Variants in FGF13 observed in about 807,000 individuals in gnomAD.
FGF13 encodes fibroblast growth factor homologous factor 2.
In FGF13, 2 loss-of-function variants were observed where a neutral mutation model predicts 19.5. The observed-to-expected ratio is 0.10, with a 90% CI of 0.04 to 0.32. The LOEUF is 0.32. Among genes scored for constraint, FGF13 ranks in the 10% least tolerant of loss-of-function variants. The probability of loss-of-function intolerance (pLI) is 1.00; values close to 1 mark genes in which losing one functional copy is unlikely to be tolerated. For synonymous variants in FGF13, 72 were observed against 76.9 expected, an observed-to-expected ratio of 0.94 and a Z score of 0.33; for missense variants, 113 against 192.7, an observed-to-expected ratio of 0.59 and a Z score of 2.45.
chrX:138,719,921 C>T (rs1013295641), intron 1 of FGF13, among the ~76,000 whole-genome samples: 1 of 112,985 alleles, frequency 8.9e-6, no homozygotes, highest in Non-Finnish European at 1.9e-5. Flanking sequence ...CTAATGATTT[C>T]ATTTTAGAGA....
chrX:138,869,026 G>A (rs2091344204), intron 1 of FGF13, among the ~76,000 whole-genome samples: 1 of 111,504 alleles, frequency 9.0e-6, no homozygotes, highest in Admixed American at 9.6e-5. Flanking sequence ...ATGCCATCAT[G>A]TGCACCTCCA....
rs768534924 is a variant in FGF13 at position 139,001,511 on chromosome X, G to GA, written c.-112-136862dup. ...ACAAGAAAAAAACAAACAACCCCTT[G>GA]AAAAAAAAATGAGTGAAGGATATGA... On this transcript the variant is annotated intron_variant, in intron 1 of 2. Transcript: ENST00000421460. Among the ~76,000 whole-genome samples the GA allele has an allele frequency of 9.5e-3, 1,018 of 107,155 alleles. 11 individuals are homozygous for GA. Among genetic ancestry groups the GA allele is most frequent in the African/African-American group, 0.032 (933 of 29,531 alleles). The allele number at this position is 107,155 out of a possible 115,157, so 93.1% of individuals were successfully genotyped here. A position where few individuals can be genotyped will look rare whatever the true frequency, so the allele number is the denominator to read the frequency against.
At chrX:138,842,951 G>T (rs998324612) in intron 3 of FGF13, among the ~76,000 whole-genome samples, 3 of 111,759 alleles carry the variant, frequency 2.7e-5, no homozygotes, top group Non-Finnish European at 5.6e-5. Context: ...TGGGTTTTAG[G>T]TCTCACTTGT....
At chrX:139,019,811 G>C (rs1240702395) in intron 1 of FGF13, among the ~76,000 whole-genome samples, 2 of 110,255 alleles carry the variant, frequency 1.8e-5, no homozygotes, top group African/African-American at 6.6e-5. Context: ...AAAAAAAAAG[G>C]GCTTAATAAA....
intron 1 of FGF13, among the ~76,000 whole-genome samples, chrX:139,149,621 A>G (rs185984350): frequency 5.2e-4 from 58 of 112,267 alleles, no homozygotes; most frequent in Non-Finnish European, 9.6e-4. Context: ...ACTGTTGGAT[A>G]GTGCTACTGA....
intron 1 of FGF13, among the ~76,000 whole-genome samples, chrX:138,738,613 G>C (rs1413478515): frequency 9.0e-6 from 1 of 111,468 alleles, no homozygotes; most frequent in Non-Finnish European, 1.9e-5. Context: ...AGCTATCTGC[G>C]GCATCTGCCT....
chrX:139,011,884 A>C (rs1324902082), intron 1 of FGF13, among the ~76,000 whole-genome samples: 1 of 111,638 alleles, frequency 9.0e-6, no homozygotes, highest in Non-Finnish European at 1.9e-5. Flanking sequence ...AAAGAGGTAA[A>C]AAGAGGAAGG....
chrX:139,190,936 C>T (rs1358660877), intron 1 of FGF13, among the ~76,000 whole-genome samples: 2 of 111,693 alleles, frequency 1.8e-5, no homozygotes, highest in Admixed American at 1.9e-4. Context: ...CCCAAAGAAA[C>T]GTGCGAGTAC....
chrX:138,899,188 C>T (rs2091518992), intron 1 of FGF13, among the ~76,000 whole-genome samples: 1 of 111,361 alleles, frequency 9.0e-6, no homozygotes, highest in Admixed American at 9.5e-5. Flanking sequence ...AGAAAAAAAG[C>T]TTGTGTTTTT....
At chrX:139,060,092 T>G (rs1436864635) in intron 1 of FGF13, among the ~76,000 whole-genome samples, 1 of 111,840 alleles carries the variant, frequency 8.9e-6, no homozygotes, top group African/African-American at 3.2e-5. Flanking sequence ...TATTTTGAAT[T>G]TAATGTACAT....
chrX:138,944,916 C>G (rs905396968), intron 1 of FGF13, among the ~76,000 whole-genome samples: 2 of 110,987 alleles, frequency 1.8e-5, no homozygotes, highest in Non-Finnish European at 3.8e-5. Context: ...TCCTTCCTTC[C>G]TTCTCTCTAA....
chrX:138,999,029 A>G (rs752115187), intron 1 of FGF13, among the ~76,000 whole-genome samples: 1 of 112,114 alleles, frequency 8.9e-6, no homozygotes, highest in South Asian at 3.7e-4. Flanking sequence ...GGATTAAGAA[A>G]CAGACTAAAA....
At chrX:139,148,285 C>T (rs1341796014) in intron 1 of FGF13, among the ~76,000 whole-genome samples, 1 of 111,432 alleles carries the variant, frequency 9.0e-6, no homozygotes, top group African/African-American at 3.3e-5. Flanking sequence ...CACTCCACAC[C>T]CACATGGGCA....
At chrX:139,067,611 C>G (rs978895374) in intron 1 of FGF13, among the ~76,000 whole-genome samples, 4 of 111,854 alleles carry the variant, frequency 3.6e-5, no homozygotes, top group Admixed American at 9.5e-5. Context: ...GAACTACAAA[C>G]CACTGCTCAA....
At chrX:138,713,153 T>C (rs778864989), upstream of FGF13, among the ~76,000 whole-genome samples, 2 of 112,529 alleles carry the variant, frequency 1.8e-5, no homozygotes, top group Non-Finnish European at 3.8e-5. Flanking sequence ...ACCTACTCTT[T>C]TGTGCTTTTG....
chrX:139,028,721 G>C (rs1355084957), intron 1 of FGF13, among the ~76,000 whole-genome samples: 2 of 107,309 alleles, frequency 1.9e-5, no homozygotes, highest in African/African-American at 6.8e-5. Context: ...GAGAGAGAGA[G>C]AGCGTGTGTG....
At chrX:139,110,639 G>A (rs746404102) in intron 1 of FGF13, among the ~76,000 whole-genome samples, 1 of 111,995 alleles carries the variant, frequency 8.9e-6, no homozygotes, top group Non-Finnish European at 1.9e-5. Flanking sequence ...TCAGCAGCAT[G>A]AAAATGGACT....
chrX:139,131,055 TTTTC>T (rs2083756566), intron 1 of FGF13, among the ~76,000 whole-genome samples: 1 of 111,693 alleles, frequency 9.0e-6, no homozygotes, highest in Non-Finnish European at 1.9e-5. Context: ...TGGCCTATAA[TTTTC>T]TTTTTTTTTG....
intron 1 of FGF13, among the ~76,000 whole-genome samples, chrX:139,036,407 C>A (rs1228690121): frequency 9.0e-6 from 1 of 111,566 alleles, no homozygotes; most frequent in Non-Finnish European, 1.9e-5. Flanking sequence ...TGAAAGTCTG[C>A]AGAATGTCCA....
Sources: gnomAD v4.1 joint callset for allele counts (sites outside exome capture counted in the v4.1 genomes callset) on GRCh38, gnomAD v4.1.1 for gene constraint, MANE v1.5 for transcripts, NCBI Gene and HGNC (gene_info 2026-07-23, HGNC 2026-07-21) for gene names.